Variants in ST3GAL5 observed in about 807,000 individuals in gnomAD.
ST3GAL5 encodes the protein ST3 beta-galactoside alpha-2,3-sialyltransferase 5, also known as lactosylceramide alpha-2,3-sialyltransferase.
Under a neutral mutation model 46.1 loss-of-function variants are expected in ST3GAL5, and 25 were observed. That is an observed-to-expected ratio of 0.54 (90% CI 0.40 to 0.76). The LOEUF (loss-of-function observed/expected upper bound fraction) is 0.76. Among genes scored for constraint, ST3GAL5 ranks in the 30% least tolerant of loss-of-function variants. ST3GAL5 has a pLI of 0.00. For missense variants in ST3GAL5, 431 were observed against 521.2 expected, an observed-to-expected ratio of 0.83 and a Z score of 1.69; for synonymous variants, 182 against 192.7, an observed-to-expected ratio of 0.94 and a Z score of 0.46.
At chr2:85,841,068 T>C (rs886104069) in intron 6 of ST3GAL5, among the ~76,000 whole-genome samples, 3 of 147,988 alleles carry the variant, frequency 2.0e-5, no homozygotes, top group Non-Finnish European at 4.5e-5. Flanking sequence ...CCTCTCTCAA[T>C]GACAAATGTC....
chr2:85,857,284 C>T (rs980976668), intron 3 of ST3GAL5, among the ~76,000 whole-genome samples: 2 of 151,684 alleles, frequency 1.3e-5, no homozygotes, highest in African/African-American at 4.8e-5. Flanking sequence ...TGCCTGTCAT[C>T]CTAGCACTTT....
chr2:85,851,916 A>G (rs1376041550), intron 3 of ST3GAL5, among the ~76,000 whole-genome samples: 3 of 152,252 alleles, frequency 2.0e-5, no homozygotes, highest in Non-Finnish European at 4.4e-5. Flanking sequence ...AACATCTTCC[A>G]GGCTGCGCTT....
At chr2:85,856,377 A>G (rs1045376930) in intron 3 of ST3GAL5, 12 of 152,214 alleles carry the variant, frequency 7.9e-5, no homozygotes, top group African/African-American at 2.7e-4. Context: ...ATAATAGGCA[A>G]ATCTATACAG....
chr2:85,847,768 C>T, intron 4 of ST3GAL5, 93 bp downstream of exon 4: 1 of 1,495,626 alleles, frequency 6.7e-7, no homozygotes, highest in Non-Finnish European at 9.0e-7. Flanking sequence ...GCACTCCAGC[C>T]TGGACAACAG....
intron 3 of ST3GAL5, chr2:85,855,840 A>G (rs1022729905): frequency 4.6e-5 from 7 of 152,264 alleles, no homozygotes; most frequent in Non-Finnish European, 8.8e-5. Flanking sequence ...ATGAGAGCAC[A>G]TGGGAAAGAT....
At chr2:85,861,150 T>C in intron 3 of ST3GAL5, 31 bp downstream of exon 3, 1 of 1,384,010 alleles carries the variant, frequency 7.2e-7, no homozygotes, top group Non-Finnish European at 1.0e-6. Context: ...GGCAATGTTT[T>C]CATTTAAACC....
chr2:85,840,105 C>T lies in ST3GAL5; in HGVS notation c.*39G>A, dbSNP rs1368770889. The T allele has an allele frequency of 6.2e-7, 1 of 1,613,974 alleles. No individual in the cohort carries two copies. The highest frequency in any genetic ancestry group is 1.3e-5 in the African/African-American group (1 of 74,922). On this transcript the variant is annotated 3_prime_UTR_variant, in exon 7 of 7. Transcript: ENST00000638572. ...CAAGAAGGCTGTCAAAAACAGCTCT[C>T]AGAGTTAGAGTTGCATTTTCAACTG...
Position 85,840,238 on chromosome 2 carries a change from A to G in ST3GAL5, c.1163T>C (p.Met388Thr), listed in dbSNP as rs755800174. ...CTTGGTTTCCGTTGTCACATTATGC[A>G]TGGTCTGAAAGTTCATAGCAGCCAT... ...QCMAAMNFQT[M>T]HNVTTETKFL... Residue 388 changes from methionine (M) to threonine (T), a missense_variant, in exon 7 of 7, where the codon ATG becomes ACG. Transcript: ENST00000638572. 5.8e-5 allele frequency: 93 copies of G among 1,614,032 alleles called. No individual in the cohort carries two copies. In the Admixed American group the frequency reaches 6.5e-4, roughly 11 times the overall value.
chr2:85,870,005 T>C (rs1685745167), intron 1 of ST3GAL5: 2 of 348,908 alleles, frequency 5.7e-6, no homozygotes, highest in Admixed American at 3.5e-5. Context: ...CTCTCCTTAA[T>C]TCAATTAACT....
At chr2:85,875,657 T>C (rs1259450179) in intron 1 of ST3GAL5, 2 of 151,822 alleles carry the variant, frequency 1.3e-5, no homozygotes, top group Non-Finnish European at 2.9e-5. Context: ...GTGGGAGAAG[T>C]GGATTTAAGA....
At chr2:85,874,776 A>C (rs2030275) in intron 1 of ST3GAL5, among the ~76,000 whole-genome samples, 43,857 of 150,840 alleles carry the variant, frequency 0.29, 6,978 homozygotes, top group East Asian at 0.54. Flanking sequence ...AATGAACAGA[A>C]GAATGAATGA....
At position 85,861,254 on chromosome 2, in the gene ST3GAL5, A is replaced by T; in HGVS notation, c.245T>A (p.Ile82Asn). Residue 82 changes from isoleucine to asparagine, a missense_variant, in exon 3 of 7, where the codon ATC becomes AAC. By Grantham distance (149) the Ile-to-Asn change is moderately radical (BLOSUM62 -3). Transcript: ENST00000638572. ...LLVFGVWILY[I>N]LKLNYTTEEC... ...TTCAGTAGTATAATTTAACTTGAGG[A>T]TATAAAGGATCCACACTCCAAACAC... 2 of 1,613,616 alleles carry T rather than the reference A, an allele frequency of 1.2e-6. No individual in the cohort carries two copies. Among genetic ancestry groups the T allele is most frequent in the Non-Finnish European group, 1.7e-6 (2 of 1,179,678 alleles).
intron 2 of ST3GAL5, among the ~76,000 whole-genome samples, chr2:85,862,480 C>T (rs922196551): frequency 6.0e-5 from 9 of 150,358 alleles, no homozygotes; most frequent in African/African-American, 2.2e-4. Flanking sequence ...TCAGTGCATA[C>T]ACTTCCCTTA....
At chr2:85,855,876 A>T (rs1221522540) in intron 3 of ST3GAL5, 6 of 152,372 alleles carry the variant, frequency 3.9e-5, no homozygotes, top group African/African-American at 1.4e-4. Context: ...CTATCAGCAA[A>T]TCAAAACCAC....
chr2:85,841,786 G>C (rs903566596), intron 6 of ST3GAL5, among the ~76,000 whole-genome samples: 1 of 152,090 alleles, frequency 6.6e-6, no homozygotes, highest in African/African-American at 2.4e-5. Flanking sequence ...ATCTTGTCTT[G>C]CTTCCTGGAA....
intron 1 of ST3GAL5, among the ~76,000 whole-genome samples, chr2:85,887,017 T>C (rs1488286455): frequency 5.9e-5 from 9 of 152,082 alleles, no homozygotes; most frequent in Non-Finnish European, 1.5e-5. Flanking sequence ...GTGAGCTTTA[T>C]CCCTTCTCCC....
At position 85,840,024 on chromosome 2, in the gene ST3GAL5, T is replaced by C. The variant is rs927799115; in HGVS notation, c.*120A>G. ...TAAAATTTTTTTTGTGTTTTTAAAT[T>C]AAAAGTTAAAAACATGAGCTGCACT... On this transcript the variant is annotated 3_prime_UTR_variant, in exon 7 of 7. Coordinates refer to ENST00000638572, the MANE Select transcript of ST3GAL5 (RefSeq NM_003896.4). The C allele has an allele frequency of 1.3e-6, 2 of 1,483,708 alleles. No individual in the cohort carries two copies. The highest frequency in any genetic ancestry group is 1.8e-6 in the Non-Finnish European group (2 of 1,094,886). 91.9% of individuals were successfully genotyped at this position (1,483,708 alleles called of 1,614,324 possible). A position where few individuals can be genotyped will look rare whatever the true frequency, so the allele number is the denominator to read the frequency against.
At chr2:85,874,729 C>T (rs944528975) in intron 1 of ST3GAL5, among the ~76,000 whole-genome samples, 7 of 151,668 alleles carry the variant, frequency 4.6e-5, no homozygotes, top group African/African-American at 1.7e-4. Flanking sequence ...AAAAGTACCT[C>T]GCATATAAAA....
Position 85,888,967 on chromosome 2 carries a change from C to G in ST3GAL5, c.-62G>C. The G allele has an allele frequency of 8.3e-7, 1 of 1,207,416 alleles. No individual in the cohort carries two copies. Among genetic ancestry groups the G allele is most frequent in the Non-Finnish European group, 1.0e-6 (1 of 961,254 alleles). The allele number at this position is 1,207,416 out of a possible 1,614,324, so 74.8% of individuals were successfully genotyped here. On this transcript the variant is annotated 5_prime_UTR_variant, in exon 1 of 7. Coordinates refer to ENST00000638572, the MANE Select transcript of ST3GAL5 (RefSeq NM_003896.4). ...ACCCCGCGCCCCCACCCGCCCCCAG[C>G]GCCGCTCTCGCGCCCATTCAGCTGG...
Sources: gnomAD v4.1 joint callset for allele counts (sites outside exome capture counted in the v4.1 genomes callset) on GRCh38, gnomAD v4.1.1 for gene constraint, MANE v1.5 for transcripts, NCBI Gene and HGNC (gene_info 2026-07-23, HGNC 2026-07-21) for gene names.